The following CD163 variants were observed in gnomAD, a reference collection of about 807,000 sequenced individuals.
CD163 encodes the protein CD163 molecule, also known as scavenger receptor cysteine-rich type 1 protein M130.
CD163 carries 64 observed loss-of-function variants against 129.2 expected under a neutral mutation model. That is an observed-to-expected ratio of 0.50 (90% confidence interval 0.41 to 0.61). The LOEUF is 0.61. Among genes scored for constraint, CD163 ranks in the 20% least tolerant of loss-of-function variants. CD163 has a pLI of 0.00. For missense variants in CD163, 1,061 were observed against 1,377.9 expected (o/e 0.77, Z 3.64); for synonymous variants, 446 against 478.5 (o/e 0.93, Z 0.89).
chr12:7,479,181 T>C (rs1023416079), intron 16 of CD163, among the ~76,000 whole-genome samples: 1 of 152,082 alleles, frequency 6.6e-6, no homozygotes, highest in Non-Finnish European at 1.5e-5. Flanking sequence ...CTCTCTTCTC[T>C]CCACATGGCC....
chr12:7,489,469 T>G (rs771339153), intron 6 of CD163, among the ~76,000 whole-genome samples: 5 of 152,132 alleles, frequency 3.3e-5, no homozygotes, highest in Admixed American at 1.3e-4. Context: ...ACATAATTTC[T>G]TATAATTTCT....
At position 7,488,041 on chromosome 12, in the gene CD163, T is replaced by A. The variant is rs777852463; in HGVS notation, c.1467A>T (p.Gly489=). 9.3e-6 allele frequency: 15 copies of A among 1,613,882 alleles called. No homozygotes were observed. The highest frequency in any genetic ancestry group is 1.3e-5 in the Non-Finnish European group (15 of 1,179,966). Residue 489 remains glycine (G), a synonymous_variant, in exon 7 of 17, where the codon GGA becomes GGT. Transcript: ENST00000432237. ...RLVGGDIPCS[G]RVEVKHGDTW... is the part of the protein sequence containing the mutation. The stretch of plus-strand genomic sequence containing the variant: ...TGTCACCATGCTTCACTTCAACACG[T>A]CCAGAACAGGGAATGTCCCCTCCAA...
Position 7,483,664 on chromosome 12 carries a change from G to T in CD163, c.2791C>A (p.Leu931Ile). ...TWITCDNKIR[L>I]QEGPTSCSGR... ...GAACAGGAAGTGGGTCCTTCCTGAA[G>T]TCTTATCTTGTCTGAAAAATCAGAG... Residue 931 changes from leucine to isoleucine, a missense_variant, in exon 12 of 17, where the codon CTT becomes ATT. Physicochemically the swap from Leu to Ile is conservative, Grantham distance 5. Coordinates refer to ENST00000432237, the MANE Select transcript of CD163 (RefSeq NM_203416.4). 1 of 1,603,682 alleles carries T rather than the reference G, an allele frequency of 6.2e-7. No individual in the cohort carries two copies. The highest frequency in any genetic ancestry group is 1.3e-5 in the African/African-American group (1 of 74,116).
chr12:7,484,375 C>T (rs1384659039), intron 11 of CD163, among the ~76,000 whole-genome samples: 2 of 152,120 alleles, frequency 1.3e-5, no homozygotes, highest in African/African-American at 2.4e-5. Context: ...CACAGTGGCT[C>T]ACACCTGTAA....
In CD163 at chr12:7,482,709, GAAC is replaced by G. The variant is rs774098263; in HGVS notation, c.3178_3180del (p.Val1060del). ...AATAATGCGACGAAAATGGCCAACAGAACAACCCCAAGGATCCCGACTGCAATA... is the reference window on the plus strand; with the variant it reads ...AATAATGCGACGAAAATGGCCAACAGAACCCCAAGGATCCCGACTGCAATA... On this transcript the variant is annotated inframe_deletion, in exon 14 of 17. Transcript: ENST00000432237. 3.1e-6 allele frequency: 5 copies of G among 1,614,110 alleles called. No individual in the cohort carries two copies. The Admixed American group carries it at 8.3e-5, about 27-fold the overall frequency.
In CD163 at chr12:7,483,668, T is replaced by C; in HGVS notation, c.2787A>G (p.Ile929Met). ...AGGAAGTGGGTCCTTCCTGAAGTCT[T>C]ATCTTGTCTGAAAAATCAGAGACAT... ...EETWITCDNK[I>M]RLQEGPTSCS... The change falls in exon 12 of 17, where the codon ATA becomes ATG. Residue 929 changes from isoleucine (I) to methionine (M), a missense_variant. Transcript: ENST00000432237. 1 of 1,604,598 alleles carries C rather than the reference T, an allele frequency of 6.2e-7. No individual in the cohort carries two copies.
rs1178054569 is a variant in CD163 at position 7,486,888 on chromosome 12, T to A, written c.2143+6A>T. Reference sequence around the variant, plus strand: ...ATATTTTCATAGATTTGTCACAGAGTCTTACCTATGCAGGCCACAGCACTT... The same window carrying A: ...ATATTTTCATAGATTTGTCACAGAGACTTACCTATGCAGGCCACAGCACTT... On this transcript the variant is annotated splice_donor_region_variant and intron_variant, in intron 9 of 16. Transcript: ENST00000432237. The A allele has an allele frequency of 6.2e-7, 1 of 1,612,480 alleles. No individual in the cohort carries two copies. Among genetic ancestry groups the A allele is most frequent in the Admixed American group, 1.7e-5 (1 of 59,868 alleles).
chr12:7,482,957 A>G lies in CD163; in HGVS notation c.3127+9T>C. On this transcript the variant is annotated intron_variant, in intron 13 of 16. Transcript: ENST00000432237. ...AATTGGTCTCATCATCATAAACTCCATGATATACCTGTTGTGGCTTTTTGT... is the reference window on the plus strand; with the variant it reads ...AATTGGTCTCATCATCATAAACTCCGTGATATACCTGTTGTGGCTTTTTGT... The G allele has an allele frequency of 6.2e-7, 1 of 1,613,506 alleles. No individual in the cohort carries two copies. Among genetic ancestry groups the G allele is most frequent in the South Asian group, 1.1e-5 (1 of 91,028 alleles).
rs774287656 is a variant in CD163 at position 7,486,512 on chromosome 12, T to A, written c.2445A>T (p.Gly815=). ...QQNCRHKEDA[G]VICSEFMSLR... ...TGCATAATTTACCTGAGCAGATAAC[T>A]CCCGCATCCTCCTTGTGCCTGCAAT... The change falls in exon 10 of 17, where the codon GGA becomes GGT. Residue 815 remains glycine, a synonymous_variant. Transcript: ENST00000432237. 1.2e-6 allele frequency: 2 copies of A among 1,613,700 alleles called. No individual in the cohort carries two copies. The highest frequency in any genetic ancestry group is 4.5e-5 in the East Asian group (2 of 44,890).
intron 4 of CD163, among the ~76,000 whole-genome samples, chr12:7,498,124 T>TACACACACAC (rs571405606): frequency 1.5e-3 from 230 of 148,826 alleles, no homozygotes; most frequent in African/African-American, 5.3e-3. Flanking sequence ...TTCCTTTATT[T>TACACACACAC]ACACACACAC....
Position 7,495,513 on chromosome 12 carries a change from A to G in CD163, c.1100-112T>C. The G allele has an allele frequency of 6.8e-6, 6 of 888,258 alleles. No homozygotes were observed. In the South Asian group the frequency reaches 1.1e-4, roughly 16 times the overall value. The allele number at this position is 888,258 out of a possible 1,614,324, so 55.0% of individuals were successfully genotyped here. A position where few individuals can be genotyped will look rare whatever the true frequency, so the allele number is the denominator to read the frequency against. Reference sequence around the variant, plus strand: ...ACTGATGCATTGAAAATTATAGGTAACTTATTTCCTGACTTTTTAAGAAAC... The same window carrying G: ...ACTGATGCATTGAAAATTATAGGTAGCTTATTTCCTGACTTTTTAAGAAAC... On this transcript the variant is annotated intron_variant, in intron 5 of 16. Transcript: ENST00000432237.
At position 7,496,901 on chromosome 12, in the gene CD163, T is replaced by C. The variant is rs910913299; in HGVS notation, c.1011A>G (p.Gly337=). Residue 337 remains glycine (G), a synonymous_variant, in exon 5 of 17, where the codon GGA becomes GGG. Coordinates refer to ENST00000432237, the MANE Select transcript of CD163 (RefSeq NM_203416.4). The surrounding 1 kb of genome is among the most constrained non-coding windows in gnomAD (Gnocchi z 4.8). ...HIWLDSVSCQ[G]HEPAIWQCKH... is the part of the protein sequence containing the mutation. ...TACATTGCCAGATAGCAGGTTCATG[T>C]CCCTGGCAAGAAACGCTGTCAAGCC... 13 of 1,614,024 alleles carry C rather than the reference T, an allele frequency of 8.1e-6. No homozygotes were observed. The Admixed American group carries it at 8.3e-5, about 10-fold the overall frequency.
At chr12:7,484,644 A>G (rs764452058) in intron 11 of CD163, among the ~76,000 whole-genome samples, 2 of 151,740 alleles carry the variant, frequency 1.3e-5, no homozygotes, top group African/African-American at 4.8e-5. Flanking sequence ...TGTCTCAAAA[A>G]AAAAAAAAAA....
chr12:7,500,095 G>T (rs974023404), intron 3 of CD163, among the ~76,000 whole-genome samples: 1 of 151,982 alleles, frequency 6.6e-6, no homozygotes, highest in Non-Finnish European at 1.5e-5. Flanking sequence ...ATGGGAGAGA[G>T]AGAGGCTGGG....
chr12:7,482,804 C>G, intron 13 of CD163, 42 bp from the exon 14 acceptor site: 1 of 1,609,260 alleles, frequency 6.2e-7, no homozygotes, highest in Non-Finnish European at 8.5e-7. Context: ...CATGTCTTAT[C>G]GAAAAGATCA....
intron 2 of CD163, among the ~76,000 whole-genome samples, chr12:7,502,007 C>A (rs183355135): frequency 1.5e-4 from 23 of 152,124 alleles, no homozygotes; most frequent in African/African-American, 5.3e-4. Context: ...TAAAATAAAC[C>A]TCTTTGTACT....
intron 11 of CD163, among the ~76,000 whole-genome samples, chr12:7,484,639 C>CAAAAAAA (rs10690784): frequency 9.9e-6 from 1 of 100,514 alleles, no homozygotes; most frequent in Non-Finnish European, 1.9e-5. Flanking sequence ...AACTCTGTCT[C>CAAAAAAA]AAAAAAAAAA....
chr12:7,499,214 C>G, intron 3 of CD163, 26 bp from the exon 4 acceptor site: 1 of 1,565,490 alleles, frequency 6.4e-7, no homozygotes, highest in Non-Finnish European at 8.7e-7. Flanking sequence ...GACCAGAGTT[C>G]AGAAGTTACA....
At chr12:7,488,639 G>A (rs114564073) in intron 6 of CD163, among the ~76,000 whole-genome samples, 67 of 152,072 alleles carry the variant, frequency 4.4e-4, no homozygotes, top group African/African-American at 1.3e-3. Context: ...AAAACATTTC[G>A]TGTATTCCTT....
Sources: allele counts gnomAD v4.1 joint callset (sites outside exome capture counted in the v4.1 genomes callset), GRCh38; gene constraint gnomAD v4.1.1; non-coding constraint Gnocchi (gnomAD v3.1); transcripts MANE v1.5; gene names NCBI Gene and HGNC (gene_info 2026-07-23, HGNC 2026-07-21).